RBM6: variants seen among roughly 807,000 people sequenced by gnomAD.
RBM6 encodes RNA binding motif protein 6.
A neutral mutation model predicts 140.4 loss-of-function variants in RBM6; 23 were observed. The observed-to-expected ratio is 0.16, with a 90% CI of 0.12 to 0.23. The LOEUF (loss-of-function observed/expected upper bound fraction) is 0.23. Among genes scored for constraint, RBM6 ranks in the 10% least tolerant of loss-of-function variants. The pLI is 1.00. For missense variants in RBM6, 1,139 were observed against 1,386.7 expected (o/e 0.82, Z 2.84); for synonymous variants, 439 against 475.6 (o/e 0.92, Z 1.00).
rs530180590 is a variant in RBM6 at position 50,073,936 on chromosome 3, G to A, written c.3117-1265G>A. On this transcript the variant is annotated intron_variant, in intron 19 of 20. Transcript: ENST00000266022. The stretch of plus-strand genomic sequence containing the variant: ...ACGATCTTGGCTCACTGCAACCTCC[G>A]CCTCCCAGGTTCAAGCGATTCTCCT... Among the ~76,000 whole-genome samples, 374 of 149,686 alleles carry A rather than the reference G, an allele frequency of 2.5e-3. 2 individuals are homozygous for A. Among genetic ancestry groups the A allele is most frequent in the African/African-American group, 8.7e-3 (354 of 40,722 alleles).
At chr3:50,007,233 G>C (rs905484969) in intron 6 of RBM6, among the ~76,000 whole-genome samples, 1 of 128,626 alleles carries the variant, frequency 7.8e-6, no homozygotes, top group African/African-American at 2.9e-5. Flanking sequence ...GTCTCATTCT[G>C]TCTCCTAGGC....
At chr3:50,036,799 G>C (rs2088561223) in intron 6 of RBM6, among the ~76,000 whole-genome samples, 1 of 151,178 alleles carries the variant, frequency 6.6e-6, no homozygotes, top group African/African-American at 2.4e-5. Context: ...CTTTTTTTTT[G>C]GAGATGGGAG....
At chr3:49,970,253 A>G (rs1400266797) in intron 3 of RBM6, among the ~76,000 whole-genome samples, 1 of 151,820 alleles carries the variant, frequency 6.6e-6, no homozygotes, top group Non-Finnish European at 1.5e-5. Flanking sequence ...CAATTTTTGT[A>G]TTTTTTTGTA....
intron 1 of RBM6, among the ~76,000 whole-genome samples, chr3:49,944,881 A>T (rs199589756): frequency 3.0e-4 from 43 of 143,702 alleles, no homozygotes; most frequent in South Asian, 8.9e-4. Context: ...ATTTTTTTTT[A>T]AATTTTTTTT....
At chr3:49,982,211 G>C (rs1162384212) in intron 5 of RBM6, among the ~76,000 whole-genome samples, 1 of 148,976 alleles carries the variant, frequency 6.7e-6, no homozygotes, top group Non-Finnish European at 1.5e-5. Flanking sequence ...TGGGTCTACT[G>C]AAAGTGACGT....
At chr3:50,032,643 A>T (rs924219008) in intron 6 of RBM6, among the ~76,000 whole-genome samples, 4 of 152,142 alleles carry the variant, frequency 2.6e-5, no homozygotes, top group African/African-American at 9.6e-5. Flanking sequence ...TAATAATTTT[A>T]AAAAATACTA....
chr3:50,003,681 T>C (rs1332811033), intron 6 of RBM6, among the ~76,000 whole-genome samples: 2 of 152,206 alleles, frequency 1.3e-5, no homozygotes, highest in East Asian at 3.8e-4. Flanking sequence ...TAGATCAAGC[T>C]GTTAAACAGT....
intron 1 of RBM6, among the ~76,000 whole-genome samples, chr3:49,949,347 G>T (rs1257118578): frequency 2.6e-5 from 4 of 151,440 alleles, no homozygotes; most frequent in African/African-American, 9.7e-5. Context: ...CTTAACGGAA[G>T]TACATTCTCC....
intron 1 of RBM6, among the ~76,000 whole-genome samples, chr3:49,958,489 T>C (rs1237886254): frequency 1.3e-5 from 2 of 151,944 alleles, no homozygotes; most frequent in African/African-American, 4.8e-5. Context: ...GGCAGGAGAA[T>C]GGCGTCAACC....
At chr3:50,072,206 G>A (rs1355486632) in intron 19 of RBM6, among the ~76,000 whole-genome samples, 3 of 151,372 alleles carry the variant, frequency 2.0e-5, no homozygotes, top group Admixed American at 6.6e-5. Context: ...TCAGGAGTTC[G>A]AGACCAGCCT....
At chr3:50,033,415 A>G (rs1218520377) in intron 6 of RBM6, among the ~76,000 whole-genome samples, 1 of 152,146 alleles carries the variant, frequency 6.6e-6, no homozygotes, top group Non-Finnish European at 1.5e-5. Flanking sequence ...GTACAAAACT[A>G]CTAAATTTAT....
At position 49,955,160 on chromosome 3, in the gene RBM6, C is replaced by CTTTTTTTTTTTTTT. The variant is rs869272546; in HGVS notation, c.-66-7405_-66-7392dup. ...GGCCGCATAGTATTTTTTTTTCTTTCTTTTTTTTTTTTTTTTTTTTTTTTG... is the reference window on the plus strand; with the variant it reads ...GGCCGCATAGTATTTTTTTTTCTTTCTTTTTTTTTTTTTTTTTTTTTTTTTTTTTTTTTTTTTTG... On this transcript the variant is annotated intron_variant, in intron 1 of 20. Transcript: ENST00000266022. Among the ~76,000 whole-genome samples, 78 of 72,714 alleles carry CTTTTTTTTTTTTTT rather than the reference C, an allele frequency of 1.1e-3. 7 individuals are homozygous for CTTTTTTTTTTTTTT. The highest frequency in any genetic ancestry group is 1.1e-3 in the Non-Finnish European group (48 of 42,820). 47.7% of individuals were successfully genotyped at this position (72,714 alleles called of 152,430 possible).
intron 10 of RBM6, 67 bp from the exon 11 acceptor site, chr3:50,059,579 AAGG>A (rs2089854977): frequency 7.8e-7 from 1 of 1,285,098 alleles, no homozygotes; most frequent in Non-Finnish European, 1.1e-6. Context: ...TTCTCTTTCA[AAGG>A]AGAATTTTTC....
At chr3:50,042,218 T>C (rs955256328) in intron 6 of RBM6, among the ~76,000 whole-genome samples, 1 of 152,228 alleles carries the variant, frequency 6.6e-6, no homozygotes, top group Non-Finnish European at 1.5e-5. Context: ...TAATTGTGAC[T>C]TTTCAATGTG....
rs1183377463 is a variant in RBM6 at position 49,963,725 on chromosome 3, T to C, written c.44+1040T>C. ...TTTTTATAGCTAGTATCATACACAC[T>C]GTATTTTAACTAGTATTTAAACATT... is the stretch of plus-strand genomic sequence containing the variant. On this transcript the variant is annotated intron_variant, in intron 2 of 20. Coordinates refer to ENST00000266022, the MANE Select transcript of RBM6 (RefSeq NM_005777.3). Among the ~76,000 whole-genome samples, 5 of 152,316 alleles carry C rather than the reference T, an allele frequency of 3.3e-5. No individual in the cohort carries two copies. In the East Asian group the frequency reaches 9.6e-4, roughly 29 times the overall value.
intron 6 of RBM6, among the ~76,000 whole-genome samples, chr3:50,019,182 C>T (rs1447188004): frequency 2.6e-5 from 4 of 151,794 alleles, no homozygotes; most frequent in Non-Finnish European, 5.9e-5. Context: ...ATTACAGGCA[C>T]GCACCACCAC....
intron 6 of RBM6, among the ~76,000 whole-genome samples, chr3:50,022,604 A>G (rs2087557803): frequency 6.6e-6 from 1 of 151,778 alleles, no homozygotes; most frequent in East Asian, 2.0e-4. Context: ...TGCTGGGATT[A>G]CAGGCGTGAG....
chr3:49,943,905 A>T (rs574301412), intron 1 of RBM6, among the ~76,000 whole-genome samples: 3 of 152,028 alleles, frequency 2.0e-5, no homozygotes, highest in African/African-American at 7.2e-5. Flanking sequence ...TCCTTTTTTG[A>T]TAAATTTGTG....
chr3:50,063,753 T>G (rs1038252948), intron 15 of RBM6, among the ~76,000 whole-genome samples: 9 of 151,716 alleles, frequency 5.9e-5, no homozygotes, highest in Non-Finnish European at 1.2e-4. Flanking sequence ...AGACAAAAAT[T>G]AGCTGGACGT....
Sources: gnomAD v4.1 joint callset for allele counts (sites outside exome capture counted in the v4.1 genomes callset) on GRCh38, gnomAD v4.1.1 for gene constraint, MANE v1.5 for transcripts, NCBI Gene and HGNC (gene_info 2026-07-23, HGNC 2026-07-21) for gene names.